The following SHLD1 variants were observed in gnomAD, a reference collection of about 807,000 sequenced individuals.
The protein encoded by SHLD1 is RINN1-REV7-interacting novel NHEJ regulator 3.
SHLD1 carries 3 observed loss-of-function variants against 5.5 expected under a neutral mutation model. The ratio of observed to expected loss-of-function variants is 0.54; its 90% confidence interval spans 0.25 to 1.40. SHLD1 has a LOEUF of 1.40. Ranked by LOEUF, SHLD1 falls within the 40% of genes most tolerant of loss-of-function variation. The pLI is 0.15. For missense variants in SHLD1, 210 were observed against 244.4 expected (o/e 0.86, Z 0.94); for synonymous variants, 92 against 94.3 (o/e 0.98, Z 0.14).
chr20:5,777,864 C>T (rs998225866), intron 2 of SHLD1, among the ~76,000 whole-genome samples: 4 of 152,052 alleles, frequency 2.6e-5, no homozygotes, highest in Non-Finnish European at 5.9e-5. Flanking sequence ...ATAGAACAAA[C>T]ACTTTGGAGA....
chr20:5,834,127 G>A (rs1403367337), intron 2 of SHLD1, among the ~76,000 whole-genome samples: 5 of 152,180 alleles, frequency 3.3e-5, no homozygotes, highest in Admixed American at 6.5e-5. Flanking sequence ...CAATTTTGGG[G>A]AAAGCAGATC....
rs974380384 is a variant in SHLD1, at chr20:5,855,528, C to T, written c.179-7496C>T. ...CTGGGACTACAGGTGCATGTCACCA[C>T]GCCTGGCTAATTTTTGTATTTTTAG... On this transcript the variant is annotated intron_variant, in intron 2 of 2. Transcript: ENST00000303142. The surrounding 1 kb of genome is among the most constrained non-coding windows in gnomAD (Gnocchi z 4.4). Among the ~76,000 whole-genome samples the T allele has an allele frequency of 2.6e-5, 4 of 152,130 alleles. No individual in the cohort carries two copies. The highest frequency in any genetic ancestry group is 4.8e-5 in the African/African-American group (2 of 41,504).
rs146507843 is a variant in SHLD1 at position 5,777,686 on chromosome 20, C to T, written c.178+4643C>T. On this transcript the variant is annotated intron_variant, in intron 2 of 2. Coordinates refer to ENST00000303142, the MANE Select transcript of SHLD1 (RefSeq NM_152504.4). ...CTGGGCCCAAGCGATCCTCCCGCCT[C>T]AACCTCTCAGTGTTGGGATTACAGG... Among the ~76,000 whole-genome samples, 9 of 151,026 alleles carry T rather than the reference C, an allele frequency of 6.0e-5. No individual in the cohort carries two copies. The East Asian group carries it at 1.4e-3, about 23-fold the overall frequency.
chr20:5,854,071 T>A (rs2088049587), intron 2 of SHLD1, among the ~76,000 whole-genome samples: 1 of 151,392 alleles, frequency 6.6e-6, no homozygotes, highest in Non-Finnish European at 1.5e-5. Flanking sequence ...AATGGTGTGA[T>A]CTCAGCTCAC....
intron 2 of SHLD1, among the ~76,000 whole-genome samples, chr20:5,830,621 G>C (rs2087717544): frequency 1.3e-5 from 2 of 151,370 alleles, no homozygotes; most frequent in African/African-American, 4.9e-5. Context: ...CCAGGAGGCA[G>C]AGGTTGCAGT....
At chr20:5,781,780 A>G (rs1156705676) in intron 2 of SHLD1, among the ~76,000 whole-genome samples, 1 of 152,144 alleles carries the variant, frequency 6.6e-6, no homozygotes, top group East Asian at 1.9e-4. Flanking sequence ...CACCCGGCCA[A>G]TCTTACACTA....
chr20:5,752,586 T>A (rs1983817844), intron 1 of SHLD1, among the ~76,000 whole-genome samples: 1 of 151,044 alleles, frequency 6.6e-6, no homozygotes, highest in Admixed American at 6.6e-5. Flanking sequence ...AGGGCCATTT[T>A]AAAATATGTC....
chr20:5,857,071 T>C (rs960161453), intron 2 of SHLD1, among the ~76,000 whole-genome samples: 4 of 152,124 alleles, frequency 2.6e-5, no homozygotes, highest in African/African-American at 9.7e-5. Context: ...AACCTCTGCC[T>C]CCCGGGTTCA....
intron 2 of SHLD1, among the ~76,000 whole-genome samples, chr20:5,819,320 G>A (rs553909478): frequency 1.3e-5 from 2 of 152,284 alleles, no homozygotes; most frequent in South Asian, 2.1e-4. Flanking sequence ...ACTTTGTTAC[G>A]TAAAAGTTGA....
chr20:5,808,083 C>T (rs116934897), intron 2 of SHLD1, among the ~76,000 whole-genome samples: 324 of 152,180 alleles, frequency 2.1e-3, no homozygotes, highest in Non-Finnish European at 2.4e-3. Flanking sequence ...AGTTCGAGAC[C>T]GGCTTGGCCA....
chr20:5,817,394 T>TTCTCTCTCTCTCTCTCTCTCTC (rs144955343), intron 2 of SHLD1, among the ~76,000 whole-genome samples: 4 of 75,788 alleles, frequency 5.3e-5, no homozygotes, highest in Non-Finnish European at 1.1e-4. Flanking sequence ...ACGGGATATT[T>TTCTCTCTCTCTCTCTCTCTCTC]TCTCTCTCTC....
intron 2 of SHLD1, chr20:5,773,339 C>T (rs1351274213): frequency 3.4e-6 from 2 of 585,000 alleles, no homozygotes; most frequent in Non-Finnish European, 6.1e-6. Flanking sequence ...ATATTTGGTT[C>T]AACAAAGAGA....
At chr20:5,819,288 G>A (rs186685214) in intron 2 of SHLD1, among the ~76,000 whole-genome samples, 85 of 152,308 alleles carry the variant, frequency 5.6e-4, no homozygotes, top group Middle Eastern at 6.8e-3. Flanking sequence ...GAGGGTCCGT[G>A]ACAACTGAAA....
At chr20:5,850,785 C>A (rs1225010261) in intron 2 of SHLD1, among the ~76,000 whole-genome samples, 1 of 152,210 alleles carries the variant, frequency 6.6e-6, no homozygotes, top group East Asian at 1.9e-4. Flanking sequence ...GCTGGGATTA[C>A]AGGCATGAGC....
intron 2 of SHLD1, among the ~76,000 whole-genome samples, chr20:5,856,984 T>TTTG (rs1264447599): frequency 6.6e-6 from 1 of 151,562 alleles, no homozygotes; most frequent in East Asian, 1.9e-4. Flanking sequence ...TCTATTTTGT[T>TTTG]TTGTTTTGTT....
At chr20:5,844,784 TATATATATATA>T (rs1568528934) in intron 2 of SHLD1, among the ~76,000 whole-genome samples, 1 of 103,348 alleles carries the variant, frequency 9.7e-6, no homozygotes, top group African/African-American at 5.1e-5. Context: ...TATATATATA[TATATATATATA>T]TATATTTTTT....
intron 2 of SHLD1, among the ~76,000 whole-genome samples, chr20:5,795,825 C>CA (rs796572753): frequency 0.014 from 2,060 of 145,674 alleles, 39 homozygotes; most frequent in African/African-American, 0.048. Flanking sequence ...ACTAAAAATA[C>CA]AAAAAAAAAA....
intron 2 of SHLD1, among the ~76,000 whole-genome samples, chr20:5,823,970 C>T (rs994712683): frequency 2.0e-5 from 3 of 152,158 alleles, no homozygotes; most frequent in Non-Finnish European, 4.4e-5. Context: ...TACCTGGGCT[C>T]CAGTCCCATG....
At chr20:5,770,228 C>T (rs988170303) in intron 1 of SHLD1, among the ~76,000 whole-genome samples, 1 of 152,090 alleles carries the variant, frequency 6.6e-6, no homozygotes, top group African/African-American at 2.4e-5. Flanking sequence ...ACATTCTAAT[C>T]AGAGGTTGTT....
Sources: allele counts gnomAD v4.1 joint callset (sites outside exome capture counted in the v4.1 genomes callset), GRCh38; gene constraint gnomAD v4.1.1; non-coding constraint Gnocchi (gnomAD v3.1); transcripts MANE v1.5; gene names NCBI Gene and HGNC (gene_info 2026-07-23, HGNC 2026-07-21).